The following PRKCB variants were observed in gnomAD, a reference collection of about 807,000 sequenced individuals.
PRKCB encodes protein kinase C beta.
In PRKCB, 13 loss-of-function variants were observed where a neutral mutation model predicts 81.5. The ratio of observed to expected loss-of-function variants is 0.16; its 90% CI spans 0.10 to 0.25. The LOEUF is 0.25. Ranked by LOEUF, PRKCB falls within the 10% of genes least tolerant of loss-of-function variation. The pLI, the probability that PRKCB is intolerant of heterozygous loss-of-function variation, is 1.00. For synonymous variants in PRKCB, 335 were observed against 321.4 expected, an observed-to-expected ratio of 1.04 and a Z score of -0.45; for missense variants, 509 against 875.7, an observed-to-expected ratio of 0.58 and a Z score of 5.29.
intron 16 of PRKCB, chr16:24,191,499 A>G (rs1035036769): frequency 1.2e-5 from 4 of 330,376 alleles, no homozygotes; most frequent in African/African-American, 6.4e-5. Context: ...TTAGCTGACA[A>G]CTTTCTGAGA....
At chr16:24,123,526 C>A (rs577934632) in intron 8 of PRKCB, among the ~76,000 whole-genome samples, 3 of 152,028 alleles carry the variant, frequency 2.0e-5, no homozygotes, top group Non-Finnish European at 4.4e-5. Flanking sequence ...ATCACTGTGC[C>A]TTGTGCAGGT....
At chr16:24,214,238 T>A (rs1046642613) in intron 16 of PRKCB, among the ~76,000 whole-genome samples, 5 of 152,212 alleles carry the variant, frequency 3.3e-5, no homozygotes, top group African/African-American at 1.2e-4. Context: ...GATGTATAAA[T>A]GGGTCACTAC....
chr16:24,103,676 C>T (rs1966538761), intron 7 of PRKCB, among the ~76,000 whole-genome samples: 1 of 152,122 alleles, frequency 6.6e-6, no homozygotes, highest in South Asian at 2.1e-4. Flanking sequence ...AGCATAGTAC[C>T]CAACAGTTAG....
At chr16:23,949,348 G>A (rs1206873144) in intron 2 of PRKCB, among the ~76,000 whole-genome samples, 1 of 152,190 alleles carries the variant, frequency 6.6e-6, no homozygotes, top group African/African-American at 2.4e-5. Flanking sequence ...TAAAACACGA[G>A]CCCAGTCACC....
At chr16:23,989,112 C>G (rs1297389923) in intron 3 of PRKCB, among the ~76,000 whole-genome samples, 1 of 152,108 alleles carries the variant, frequency 6.6e-6, no homozygotes, top group Non-Finnish European at 1.5e-5. Flanking sequence ...AGGCACCTGC[C>G]ACTATGCCTG....
rs75924220 is a variant in PRKCB, at chr16:24,016,772, C to T, written c.289-15364C>T. Among the ~76,000 whole-genome samples, 845 of 152,274 alleles carry T rather than the reference C, an allele frequency of 5.5e-3. 25 individuals are homozygous for T. The East Asian group carries it at 0.083, about 15-fold the overall frequency. ...CCCAATCTGTTTTTCTCCTGGCAGC[C>T]GTGGTTCTATATCACATCCCACCTC... is the stretch of plus-strand genomic sequence containing the variant. On this transcript the variant is annotated intron_variant, in intron 3 of 16. Transcript: ENST00000643927.
intron 2 of PRKCB, among the ~76,000 whole-genome samples, chr16:23,942,022 G>A (rs780734955): frequency 6.6e-6 from 1 of 152,144 alleles, no homozygotes; most frequent in Non-Finnish European, 1.5e-5. Context: ...AAAACTATTA[G>A]TACAAATAAC....
chr16:24,185,597 G>C (rs759205286), intron 15 of PRKCB, 30 bp downstream of exon 15: 1 of 1,574,314 alleles, frequency 6.4e-7, no homozygotes, highest in Non-Finnish European at 8.7e-7. Context: ...CTGTGACCAG[G>C]ACCACCACAT....
intron 5 of PRKCB, among the ~76,000 whole-genome samples, chr16:24,063,711 A>G (rs1283966121): frequency 6.6e-6 from 1 of 152,198 alleles, no homozygotes; most frequent in East Asian, 1.9e-4. Context: ...GCCTGCATGA[A>G]TGCTGCTGTG....
chr16:24,040,605 AG>A (rs1965686235), intron 5 of PRKCB, among the ~76,000 whole-genome samples: 1 of 152,186 alleles, frequency 6.6e-6, no homozygotes, highest in African/African-American at 2.4e-5. Context: ...GCACCTAGCA[AG>A]GTGGGCATCA....
rs187537547 is a variant in PRKCB, at chr16:23,860,578, G to A, written c.205+23172G>A. Among the ~76,000 whole-genome samples the A allele has an allele frequency of 5.9e-5, 9 of 152,168 alleles. No individual in the cohort carries two copies. In the South Asian group the frequency reaches 1.2e-3, roughly 21 times the overall value. ...AAGGTATTCAACAACATGGAACTAC[G>A]TAGTTTTAAAAGAAATTCTCTTGTA... On this transcript the variant is annotated intron_variant, in intron 2 of 16. Transcript: ENST00000643927.
At chr16:24,164,481 T>C (rs1386437806) in intron 10 of PRKCB, among the ~76,000 whole-genome samples, 1 of 152,160 alleles carries the variant, frequency 6.6e-6, no homozygotes, top group African/African-American at 2.4e-5. Flanking sequence ...AGAATCACAA[T>C]AACAATGACA....
At chr16:23,848,221 A>T (rs1446518453) in intron 2 of PRKCB, among the ~76,000 whole-genome samples, 1 of 152,186 alleles carries the variant, frequency 6.6e-6, no homozygotes, top group Non-Finnish European at 1.5e-5. Flanking sequence ...TCACTGTTTT[A>T]AAGTGGGATG....
intron 2 of PRKCB, among the ~76,000 whole-genome samples, chr16:23,945,102 G>A (rs530189182): frequency 6.6e-6 from 1 of 152,336 alleles, no homozygotes; most frequent in East Asian, 1.9e-4. Flanking sequence ...GGGACATGGA[G>A]AGGCTGCAGG....
intron 5 of PRKCB, among the ~76,000 whole-genome samples, chr16:24,052,772 G>A (rs1965858555): frequency 6.6e-6 from 1 of 152,172 alleles, no homozygotes; most frequent in South Asian, 2.1e-4. Flanking sequence ...GGAGGATTTT[G>A]ACCTACTTCT....
intron 16 of PRKCB, among the ~76,000 whole-genome samples, chr16:24,193,468 T>TAAATAAATAAATA (rs1555501778): frequency 4.8e-5 from 5 of 103,554 alleles, no homozygotes; most frequent in African/African-American, 1.6e-4. Context: ...AATAAATAAA[T>TAAATAAATAAATA]AAATAAATAA....
Position 24,216,993 on chromosome 16 carries a change from A to T in PRKCB, c.*2177A>T, listed in dbSNP as rs1021287087. On this transcript the variant is annotated 3_prime_UTR_variant, in exon 17 of 17. Transcript: ENST00000643927. Reference sequence around the variant, plus strand: ...GATCATGATCCCATTTTGCTTGGACATGCTCTCAGGAAGATAAAAACCATG... The same window carrying T: ...GATCATGATCCCATTTTGCTTGGACTTGCTCTCAGGAAGATAAAAACCATG... The T allele has an allele frequency of 2.0e-6, 2 of 985,422 alleles. No individual in the cohort carries two copies. The highest frequency in any genetic ancestry group is 2.4e-6 in the Non-Finnish European group (2 of 829,942). The allele number at this position is 985,422 out of a possible 1,614,324, so 61.0% of individuals were successfully genotyped here.
intron 2 of PRKCB, among the ~76,000 whole-genome samples, chr16:23,849,424 C>T (rs1962433905): frequency 6.6e-6 from 1 of 152,098 alleles, no homozygotes; most frequent in Non-Finnish European, 1.5e-5. Flanking sequence ...GATCTTCTTT[C>T]CCTCCCTAAA....
At chr16:23,874,345 A>G (rs1337776884) in intron 2 of PRKCB, among the ~76,000 whole-genome samples, 1 of 152,210 alleles carries the variant, frequency 6.6e-6, no homozygotes, top group Non-Finnish European at 1.5e-5. Context: ...CACTGAGTAG[A>G]GATGAACCAT....
Sources: gnomAD v4.1 joint callset for allele counts (sites outside exome capture counted in the v4.1 genomes callset) on GRCh38, gnomAD v4.1.1 for gene constraint, MANE v1.5 for transcripts, NCBI Gene and HGNC (gene_info 2026-07-23, HGNC 2026-07-21) for gene names.